Variants in SRRM2 observed in about 807,000 individuals in gnomAD.
SRRM2 encodes serine/arginine repetitive matrix 2.
SRRM2 carries 30 observed loss-of-function variants against 213.8 expected under a neutral mutation model. That is an observed-to-expected ratio of 0.14 (90% CI 0.10 to 0.19). The LOEUF (loss-of-function observed/expected upper bound fraction) is 0.19, where lower values mean the gene tolerates loss of function less well. Among genes scored for constraint, SRRM2 ranks in the 10% least tolerant of loss-of-function variants. SRRM2 has a pLI of 1.00. For missense variants in SRRM2, 4,904 were observed against 3,647.0 expected (o/e 1.34, Z -8.88); for synonymous variants, 2,025 against 1,377.7 (o/e 1.47, Z -10.40).
Position 2,752,727 on chromosome 16 carries a change from C to T in SRRM2, c.-151C>T, listed in dbSNP as rs1160887815. On this transcript the variant is annotated 5_prime_UTR_variant, in exon 1 of 15. Transcript: ENST00000301740. ...TGAGGAAGCGAGGAGGCGTCGGCGT[C>T]GGCTGAGGCGGGCGGACCGGCGAGG... 1.7e-5 allele frequency: 6 copies of T among 357,784 alleles called. No homozygotes were observed. Among genetic ancestry groups the T allele is most frequent in the Admixed American group, 7.2e-5 (2 of 27,884 alleles). 22.2% of individuals were successfully genotyped at this position (357,784 alleles called of 1,614,324 possible). A position where few individuals can be genotyped will look rare whatever the true frequency, so the allele number is the denominator to read the frequency against.
At position 2,765,539 on chromosome 16, in the gene SRRM2, G is replaced by A; in HGVS notation, c.5011G>A (p.Gly1671Ser). The A allele has an allele frequency of 1.2e-6, 2 of 1,614,208 alleles. No homozygotes were observed. Among genetic ancestry groups the A allele is most frequent in the Middle Eastern group, 1.6e-4 (1 of 6,062 alleles). Residue 1671 changes from glycine (G) to serine (S), a missense_variant, in exon 11 of 15, where the codon GGT becomes AGT. Transcript: ENST00000301740. ...HPPKSRTARRGSRSSPEPKTK... is the reference protein window; with the variant it reads ...HPPKSRTARRSSRSSPEPKTK... ...GCCCAAATCCAGAACTGCTCGCAGA[G>A]GTTCCAGGTCATCACCAGAGCCCAA...
chr16:2,768,687 C>T, intron 11 of SRRM2: 1 of 673,004 alleles, frequency 1.5e-6, no homozygotes, highest in Non-Finnish European at 2.7e-6. Flanking sequence ...AGCTGCGGCT[C>T]TCCGAGGAAG....
In SRRM2 at chr16:2,765,210, C is replaced by A. The variant is rs28591365; in HGVS notation, c.4682C>A (p.Ser1561Tyr). The change falls in exon 11 of 15, where the codon TCT becomes TAT. Residue 1561 changes from serine to tyrosine, a missense_variant. By Grantham distance (144) the Ser-to-Tyr change is moderately radical. Coordinates refer to ENST00000301740, the MANE Select transcript of SRRM2 (RefSeq NM_016333.4). ...ASPQERSESD[S>Y]SPDSKAKTRT... ...CCTCAGGAAAGAAGTGAGTCAGACT[C>A]TTCTCCAGATTCTAAAGCCAAGACA... is the stretch of plus-strand genomic sequence containing the variant. The A allele has an allele frequency of 1.9e-6, 3 of 1,614,194 alleles. No homozygotes were observed. The East Asian group carries it at 6.7e-5, about 36-fold the overall frequency.
rs1284614082 is a variant in SRRM2, at chr16:2,770,030, C to A, written c.8022-322C>A. On this transcript the variant is annotated intron_variant, in intron 12 of 14. Transcript: ENST00000301740. ...CCCCTTCCCTGCCTTGCCCCATGTC[C>A]CCCTCCCTTGGGTCCCCAGAGCCAC... is the stretch of plus-strand genomic sequence containing the variant. 3.8e-6 allele frequency: 3 copies of A among 785,814 alleles called. No individual in the cohort carries two copies. In the Admixed American group the frequency reaches 9.4e-5, roughly 25 times the overall value. 48.7% of individuals were successfully genotyped at this position (785,814 alleles called of 1,614,324 possible).
At chr16:2,758,824 C>G in intron 5 of SRRM2, 161 bp from the exon 6 acceptor site, 1 of 784,206 alleles carries the variant, frequency 1.3e-6, no homozygotes, top group Non-Finnish European at 2.0e-6. Context: ...GTTACTTGTG[C>G]TTGTTGGAGA....
At position 2,770,449 on chromosome 16, in the gene SRRM2, C is replaced by A. The variant is rs1474260486; in HGVS notation, c.8119C>A (p.Pro2707Thr). ...ERRRPSPQPSPRDQQSSSSER... is the reference protein window; with the variant it reads ...ERRRPSPQPSTRDQQSSSSER... ...TCGCCGTCCCTCGCCCCAGCCCTCA[C>A]CACGGGACCAGCAGAGGTAAGGCCA... is the stretch of plus-strand genomic sequence containing the variant. The change falls in exon 13 of 15, where the codon CCA becomes ACA. Residue 2707 changes from proline to threonine, a missense_variant. Transcript: ENST00000301740. 1.2e-6 allele frequency: 2 copies of A among 1,608,046 alleles called. No individual in the cohort carries two copies. Among genetic ancestry groups the A allele is most frequent in the Non-Finnish European group, 8.5e-7 (1 of 1,177,510 alleles).
At chr16:2,754,295 CTTTTT>C (rs559750275) in intron 1 of SRRM2, among the ~76,000 whole-genome samples, 1 of 143,208 alleles carries the variant, frequency 7.0e-6, no homozygotes, top group Non-Finnish European at 1.5e-5. Flanking sequence ...ACTGGTTTTT[CTTTTT>C]TTTTTTTTTC....
intron 11 of SRRM2, chr16:2,768,787 T>C (rs1380827532): frequency 7.7e-6 from 7 of 908,852 alleles, no homozygotes; most frequent in African/African-American, 3.3e-5. Flanking sequence ...TGATCCCTTA[T>C]GCTGCGGGCC....
At chr16:2,756,720 TA>T in intron 2 of SRRM2, 114 bp downstream of exon 2, 1 of 1,416,798 alleles carries the variant, frequency 7.1e-7, no homozygotes, top group Non-Finnish European at 9.4e-7. Flanking sequence ...AGAGTTGTGG[TA>T]GGGGAGGAGG....
In SRRM2 at chr16:2,759,621, TCTG is replaced by T. The variant is rs144900093; in HGVS notation, c.797_799del (p.Ala266del). On this transcript the variant is annotated inframe_deletion, in exon 9 of 15. Coordinates refer to ENST00000301740, the MANE Select transcript of SRRM2 (RefSeq NM_016333.4). ...GAGCCGCCGGGCCCACCGTTCAACT[TCTG>T]CTGACTCTGCTTCCTCCTCCGATAC... The T allele has an allele frequency of 4.8e-4, 781 of 1,614,008 alleles. 2 individuals are homozygous for T. In the African/African-American group the frequency reaches 6.1e-3, roughly 13 times the overall value.
rs772997892 is a variant in SRRM2, at chr16:2,771,339, A to G, written c.*472A>G. 4.1e-6 allele frequency: 6 copies of G among 1,448,748 alleles called. No individual in the cohort carries two copies. Among genetic ancestry groups the G allele is most frequent in the Non-Finnish European group, 5.8e-6 (6 of 1,033,706 alleles). The allele number at this position is 1,448,748 out of a possible 1,614,324, so 89.7% of individuals were successfully genotyped here. On this transcript the variant is annotated 3_prime_UTR_variant, in exon 15 of 15. Coordinates refer to ENST00000301740, the MANE Select transcript of SRRM2 (RefSeq NM_016333.4). ...CCCCCCAACTTTTCATGTTTCTTAA[A>G]GGCATTTTGGTTTTTTAAAATCTGT...
rs765407049 is a variant in SRRM2, at chr16:2,757,458, G to T, written c.243-14G>T. On this transcript the variant is annotated splice_polypyrimidine_tract_variant and intron_variant, in intron 2 of 14. Transcript: ENST00000301740. ...GTCCTGTCGAGCTTAACCCTGAAGG[G>T]ATTTGTTCTTCAGGTACGAGGAACA... 7 of 1,610,740 alleles carry T rather than the reference G, an allele frequency of 4.3e-6. No individual in the cohort carries two copies. Among genetic ancestry groups the T allele is most frequent in the South Asian group, 1.1e-5 (1 of 90,968 alleles).
In SRRM2 at chr16:2,752,688, C is replaced by T. The variant is rs1195425258; in HGVS notation, c.-190C>T. ...CGGGGTGCGAGTGGCGCAGTTGGAG[C>T]CCGTTGCGGCCCCTGAGGAAGCGAG... On this transcript the variant is annotated 5_prime_UTR_variant, in exon 1 of 15. Coordinates refer to ENST00000301740, the MANE Select transcript of SRRM2 (RefSeq NM_016333.4). The T allele has an allele frequency of 3.2e-6, 1 of 316,260 alleles. No homozygotes were observed. The allele number at this position is 316,260 out of a possible 1,614,324, so 19.6% of individuals were successfully genotyped here.
intron 1 of SRRM2, among the ~76,000 whole-genome samples, chr16:2,755,991 A>G (rs2068127271): frequency 6.6e-6 from 1 of 152,208 alleles, no homozygotes; most frequent in African/African-American, 2.4e-5. Flanking sequence ...GAGAACAAAA[A>G]GGGACAGTGT....
intron 12 of SRRM2, chr16:2,770,075 CCA>C: frequency 8.0e-7 from 1 of 1,251,422 alleles, no homozygotes; most frequent in East Asian, 2.9e-5. Flanking sequence ...GCCCTGCTTC[CCA>C]CACACGGGGC....
In SRRM2 at chr16:2,766,829, G is replaced by A. The variant is rs1259976640; in HGVS notation, c.6301G>A (p.Gly2101Ser). Reference protein sequence around the residue: ...ATPPATRNHSGSRTPPVALNS... With the variant: ...ATPPATRNHSSSRTPPVALNS... ...TCCTCCAGCAACAAGAAATCATTCT[G>A]GTTCACGGACACCTCCAGTAGCACT... The change falls in exon 11 of 15, where the codon GGT (glycine) becomes AGT (serine). Residue 2101 changes from glycine to serine, a missense_variant. Gly to Ser is a moderately conservative substitution (Grantham distance 56, BLOSUM62 0). Transcript: ENST00000301740. This position sits in a 1 kb window ranked among gnomAD's most constrained non-coding sequence, Gnocchi z 7.0. The A allele has an allele frequency of 1.2e-6, 2 of 1,614,090 alleles. No individual in the cohort carries two copies. The highest frequency in any genetic ancestry group is 2.2e-5 in the South Asian group (2 of 91,082).
chr16:2,762,395 C>A lies in SRRM2; in HGVS notation c.1867C>A (p.Arg623Ser). ...GRSRSRTPAR[R>S]RSRTRSPVRR... Reference sequence around the variant, plus strand: ...GTCTCGGTCTAGAACACCTGCTAGGCGCAGATCTAGGACCCGATCACCAGT... The same window carrying A: ...GTCTCGGTCTAGAACACCTGCTAGGAGCAGATCTAGGACCCGATCACCAGT... The change falls in exon 11 of 15, where the codon CGC (arginine) becomes AGC (serine). Residue 623 changes from arginine (R) to serine (S), a missense_variant. Physicochemically the swap from Arg to Ser is moderately radical, Grantham distance 110. Coordinates refer to ENST00000301740, the MANE Select transcript of SRRM2 (RefSeq NM_016333.4). The A allele has an allele frequency of 6.2e-7, 1 of 1,614,034 alleles. No homozygotes were observed.
intron 5 of SRRM2, 72 bp from the exon 6 acceptor site, chr16:2,758,913 G>A: frequency 6.4e-7 from 1 of 1,568,164 alleles, no homozygotes; most frequent in South Asian, 1.1e-5. Context: ...ACCTTTTTAG[G>A]AGAGAGATTG....
rs1177037680 is a variant in SRRM2, at chr16:2,760,616, C to T, written c.1032+117C>T. 1.1e-5 allele frequency: 13 copies of T among 1,199,454 alleles called. No homozygotes were observed. In the Admixed American group the frequency reaches 2.8e-4, roughly 26 times the overall value. The allele number at this position is 1,199,454 out of a possible 1,614,324, so 74.3% of individuals were successfully genotyped here. Reference sequence around the variant, plus strand: ...AAAATAAATAAATTCAGTTTTTTTTCCTGCATTTCTCTCCTAGTTCTCTTA... The same window carrying T: ...AAAATAAATAAATTCAGTTTTTTTTTCTGCATTTCTCTCCTAGTTCTCTTA... On this transcript the variant is annotated intron_variant, in intron 10 of 14. Transcript: ENST00000301740.
Sources: gnomAD v4.1 joint callset for allele counts (sites outside exome capture counted in the v4.1 genomes callset) on GRCh38, gnomAD v4.1.1 for gene constraint, Gnocchi (gnomAD v3.1) non-coding constraint, MANE v1.5 for transcripts, NCBI Gene and HGNC (gene_info 2026-07-23, HGNC 2026-07-21) for gene names.